Variants in SP4 observed in about 807,000 individuals in gnomAD.
SP4 encodes Sp4 transcription factor, also known as transcription factor Sp4.
Under a neutral mutation model 72.8 loss-of-function variants are expected in SP4, and 19 were observed. That is an observed-to-expected ratio of 0.26 (90% CI 0.18 to 0.38). The LOEUF (loss-of-function observed/expected upper bound fraction) is 0.38. Among genes scored for constraint, SP4 ranks in the 10% least tolerant of loss-of-function variants. SP4 has a pLI of 1.00. For synonymous variants in SP4, 395 were observed against 333.1 expected, an observed-to-expected ratio of 1.19 and a Z score of -2.02; for missense variants, 1,008 against 926.3, an observed-to-expected ratio of 1.09 and a Z score of -1.14.
At chr7:21,484,803 A>C (rs1784770488) in intron 5 of SP4, among the ~76,000 whole-genome samples, 1 of 151,896 alleles carries the variant, frequency 6.6e-6, no homozygotes, top group Admixed American at 6.6e-5. Flanking sequence ...TGAGTTGGTA[A>C]AGTCCCTCTC....
chr7:21,432,330 T>C (rs950656260), intron 3 of SP4, among the ~76,000 whole-genome samples: 3 of 152,222 alleles, frequency 2.0e-5, no homozygotes, highest in Admixed American at 1.3e-4. Context: ...ACTTTGACAA[T>C]AATTGTAGTA....
At chr7:21,502,543 C>T (rs1354295144) in intron 5 of SP4, among the ~76,000 whole-genome samples, 1 of 152,082 alleles carries the variant, frequency 6.6e-6, no homozygotes, top group East Asian at 1.9e-4. Flanking sequence ...GTATTCCATC[C>T]TAGGGGAAAT....
At chr7:21,433,884 A>G (rs1443468263) in intron 3 of SP4, among the ~76,000 whole-genome samples, 2 of 152,138 alleles carry the variant, frequency 1.3e-5, no homozygotes, top group Non-Finnish European at 2.9e-5. Context: ...AGGTTGTTGC[A>G]GTGAGCCGAG....
intron 3 of SP4, among the ~76,000 whole-genome samples, chr7:21,441,580 C>T (rs755975365): frequency 6.6e-6 from 1 of 152,036 alleles, no homozygotes; most frequent in Non-Finnish European, 1.5e-5. Context: ...ATTTGCAATG[C>T]AAATGATACT....
At chr7:21,459,922 T>G (rs758235437) in intron 3 of SP4, among the ~76,000 whole-genome samples, 1 of 152,218 alleles carries the variant, frequency 6.6e-6, no homozygotes, top group Non-Finnish European at 1.5e-5. Flanking sequence ...AGACAGAATA[T>G]TCATTAAAAT....
In SP4 at chr7:21,429,554, G is replaced by C. The variant is rs756733441; in HGVS notation, c.389G>C (p.Ser130Thr). The change falls in exon 3 of 6, where the codon AGT becomes ACT. Residue 130 changes from serine to threonine, a missense_variant. Around this residue, in one of 3 missense-constraint regions of SP4, gnomAD observed 893 missense variants for 743.3 expected, o/e 1.20. Transcript: ENST00000222584. ...TCTAGTTCGTCTAGTTCTTCCAGCA[G>C]TAATAACGGGAGTGCATCTCCTACA... is the stretch of plus-strand genomic sequence containing the variant. Reference protein sequence around the residue: ...PASSSSSSSSSNNGSASPTKT... With the variant: ...PASSSSSSSSTNNGSASPTKT... 12 of 1,614,168 alleles carry C rather than the reference G, an allele frequency of 7.4e-6. No individual in the cohort carries two copies. Among genetic ancestry groups the C allele is most frequent in the Non-Finnish European group, 1.0e-5 (12 of 1,180,000 alleles).
At chr7:21,437,884 AG>A (rs1300052235) in intron 3 of SP4, among the ~76,000 whole-genome samples, 1 of 152,226 alleles carries the variant, frequency 6.6e-6, no homozygotes, top group Non-Finnish European at 1.5e-5. Flanking sequence ...AAATGTATCA[AG>A]AAGGATTCCC....
chr7:21,462,284 C>T (rs550016898), intron 3 of SP4, among the ~76,000 whole-genome samples: 142 of 151,910 alleles, frequency 9.3e-4, no homozygotes, highest in African/African-American at 3.4e-3. Flanking sequence ...AAGCCAGTTT[C>T]GGGACCATAG....
intron 5 of SP4, among the ~76,000 whole-genome samples, 181 bp downstream of exon 5, chr7:21,482,304 A>G (rs962338936): frequency 2.0e-5 from 3 of 152,176 alleles, no homozygotes; most frequent in Admixed American, 2.0e-4. Flanking sequence ...GATACATTTT[A>G]TTCTACTTTT....
chr7:21,460,087 C>A (rs973677359), intron 3 of SP4, among the ~76,000 whole-genome samples: 1 of 149,308 alleles, frequency 6.7e-6, no homozygotes, highest in South Asian at 2.1e-4. Flanking sequence ...TGAACTAATT[C>A]TTTGAGAAAA....
At chr7:21,503,297 G>C (rs536104193) in intron 5 of SP4, among the ~76,000 whole-genome samples, 83 of 152,234 alleles carry the variant, frequency 5.5e-4, no homozygotes, top group African/African-American at 1.8e-3. Flanking sequence ...GTAGCTCTGC[G>C]CAAATATAGG....
chr7:21,473,138 A>G (rs920452715), intron 3 of SP4, among the ~76,000 whole-genome samples: 2 of 152,138 alleles, frequency 1.3e-5, no homozygotes, highest in African/African-American at 4.8e-5. Context: ...GGAAAGCTCA[A>G]TTTAGGTTGG....
At position 21,430,747 on chromosome 7, in the gene SP4, G is replaced by C. The variant is rs201552229; in HGVS notation, c.1582G>C (p.Ala528Pro). ...APITLNTAQL[A>P]SVPNLQTVSV... Reference sequence around the variant, plus strand: ...AATAACTTTGAATACTGCCCAGCTTGCATCAGTGCCTAACCTTCAGACAGT... The same window carrying C: ...AATAACTTTGAATACTGCCCAGCTTCCATCAGTGCCTAACCTTCAGACAGT... Residue 528 changes from alanine (A) to proline (P), a missense_variant, in exon 3 of 6, where the codon GCA becomes CCA. Ala to Pro is a conservative substitution (Grantham distance 27). This residue lies in a region of SP4 where 893 missense variants were observed against 743.3 expected (regional missense o/e 1.20). Transcript: ENST00000222584. 6.2e-7 allele frequency: 1 copy of C among 1,614,086 alleles called. No individual in the cohort carries two copies. Among genetic ancestry groups the C allele is most frequent in the Non-Finnish European group, 8.5e-7 (1 of 1,180,036 alleles).
At chr7:21,473,701 A>G (rs545624077) in intron 3 of SP4, among the ~76,000 whole-genome samples, 9 of 152,372 alleles carry the variant, frequency 5.9e-5, no homozygotes, top group South Asian at 2.1e-4. Context: ...AAAGGAATCA[A>G]CTATGCAAAG....
intron 3 of SP4, among the ~76,000 whole-genome samples, chr7:21,450,626 AT>A (rs1178435567): frequency 1.3e-5 from 2 of 152,202 alleles, no homozygotes; most frequent in Non-Finnish European, 2.9e-5. Flanking sequence ...GGAAGAAGAA[AT>A]TTAGGTTAAG....
At chr7:21,508,602 C>G (rs1476370077) in intron 5 of SP4, among the ~76,000 whole-genome samples, 1 of 152,112 alleles carries the variant, frequency 6.6e-6, no homozygotes, top group Non-Finnish European at 1.5e-5. Context: ...GCTGGGATTA[C>G]AGGTGTGAGC....
intron 3 of SP4, among the ~76,000 whole-genome samples, chr7:21,439,394 TA>T: frequency 6.6e-6 from 1 of 152,306 alleles, no homozygotes; most frequent in Non-Finnish European, 1.5e-5. Context: ...GTTACATCGA[TA>T]TGTTGTATAG....
chr7:21,467,744 A>G (rs1784212625), intron 3 of SP4, among the ~76,000 whole-genome samples: 1 of 152,174 alleles, frequency 6.6e-6, no homozygotes, highest in Non-Finnish European at 1.5e-5. Flanking sequence ...CAATCTAGGT[A>G]GGCTCAGTTA....
At chr7:21,483,180 T>C (rs2128411507) in intron 5 of SP4, among the ~76,000 whole-genome samples, 1 of 152,234 alleles carries the variant, frequency 6.6e-6, no homozygotes, top group East Asian at 1.9e-4. Flanking sequence ...TTTTTCATGG[T>C]TATCCATGAG....
Sources: gnomAD v4.1 joint callset for allele counts (sites outside exome capture counted in the v4.1 genomes callset) on GRCh38, gnomAD v4.1.1 for gene constraint, gnomAD v4.1.1 regional missense constraint, MANE v1.5 for transcripts, NCBI Gene and HGNC (gene_info 2026-07-23, HGNC 2026-07-21) for gene names.